CNTNAP2: variants seen among roughly 807,000 people sequenced by gnomAD.
CNTNAP2 encodes the protein contactin-associated protein-like 2.
In CNTNAP2, 98 loss-of-function variants were observed where a neutral mutation model predicts 155.2. The ratio of observed to expected loss-of-function variants is 0.63; its 90% confidence interval spans 0.54 to 0.75. The LOEUF is 0.75. Among genes scored for constraint, CNTNAP2 ranks in the 30% least tolerant of loss-of-function variants. The pLI is 0.00. For synonymous variants in CNTNAP2, 651 were observed against 631.2 expected, an observed-to-expected ratio of 1.03 and a Z score of -0.47; for missense variants, 1,727 against 1,688.1, an observed-to-expected ratio of 1.02 and a Z score of -0.40.
intron 1 of CNTNAP2, among the ~76,000 whole-genome samples, chr7:146,633,832 GAAAAAAAAAAA>G (rs60993956): frequency 6.3e-5 from 5 of 79,038 alleles, no homozygotes; most frequent in East Asian, 5.6e-4. Context: ...TGCATCTAGA[GAAAAAAAAAAA>G]AAAAAAAAAA....
At chr7:147,515,519 T>TAC (rs1287652122) in intron 11 of CNTNAP2, among the ~76,000 whole-genome samples, 1 of 151,800 alleles carries the variant, frequency 6.6e-6, no homozygotes. Context: ...GATGGGGTTT[T>TAC]ACCATGTTGG....
At chr7:147,687,167 T>G (rs989274690) in intron 13 of CNTNAP2, among the ~76,000 whole-genome samples, 1 of 152,122 alleles carries the variant, frequency 6.6e-6, no homozygotes, top group Non-Finnish European at 1.5e-5. Flanking sequence ...TTTAAAAAGT[T>G]GGCTAAAATA....
At chr7:147,466,378 A>G (rs1309855138) in intron 10 of CNTNAP2, among the ~76,000 whole-genome samples, 1 of 152,216 alleles carries the variant, frequency 6.6e-6, no homozygotes, top group African/African-American at 2.4e-5. Context: ...GTTTTTACAC[A>G]GAATGGTGGA....
intron 3 of CNTNAP2, among the ~76,000 whole-genome samples, chr7:146,947,021 CAATT>C: frequency 6.6e-6 from 1 of 151,744 alleles, no homozygotes; most frequent in African/African-American, 2.4e-5. Context: ...ATAAAAATAT[CAATT>C]TATTTATTTA....
chr7:146,379,314 T>C (rs893984214), intron 1 of CNTNAP2, among the ~76,000 whole-genome samples: 1 of 152,156 alleles, frequency 6.6e-6, no homozygotes, highest in Non-Finnish European at 1.5e-5. Flanking sequence ...GGCATATGTA[T>C]TTGAGGGATG....
intron 21 of CNTNAP2, among the ~76,000 whole-genome samples, chr7:148,333,764 T>C (rs1426349233): frequency 3.9e-5 from 6 of 152,212 alleles, no homozygotes; most frequent in Non-Finnish European, 5.9e-5. Flanking sequence ...CGAAGTCAGG[T>C]CTCAACTCCT....
chr7:147,629,688 A>G (rs1051510735), intron 12 of CNTNAP2, among the ~76,000 whole-genome samples: 2 of 152,044 alleles, frequency 1.3e-5, no homozygotes, highest in Middle Eastern at 3.2e-3. Context: ...CCTCAAAACT[A>G]TACAAATACT....
chr7:146,956,319 C>T (rs1171754189), intron 3 of CNTNAP2, among the ~76,000 whole-genome samples: 3 of 152,010 alleles, frequency 2.0e-5, no homozygotes, highest in Non-Finnish European at 4.4e-5. Context: ...TCTACAAGGC[C>T]CTTTTTCAAA....
intron 21 of CNTNAP2, among the ~76,000 whole-genome samples, chr7:148,319,559 G>A (rs1192685515): frequency 3.9e-5 from 6 of 152,058 alleles, no homozygotes; most frequent in Admixed American, 1.3e-4. Context: ...TGGCAGACAC[G>A]CAATTGAAGC....
At chr7:146,834,675 A>G (rs537471335) in intron 2 of CNTNAP2, among the ~76,000 whole-genome samples, 1 of 152,190 alleles carries the variant, frequency 6.6e-6, no homozygotes, top group African/African-American at 2.4e-5. Flanking sequence ...TTTAGGCACT[A>G]TTATCTCTAG....
At chr7:146,347,124 G>A in intron 1 of CNTNAP2, among the ~76,000 whole-genome samples, 1 of 125,320 alleles carries the variant, frequency 8.0e-6, no homozygotes, top group Admixed American at 8.9e-5. Context: ...GTGTGGTTAG[G>A]AATCCATACT....
rs1057518565 is a variant in CNTNAP2, at chr7:147,121,030, G to A, written c.806G>A (p.Ser269Asn). 6 of 1,613,930 alleles carry A rather than the reference G, an allele frequency of 3.7e-6. No individual in the cohort carries two copies. The highest frequency in any genetic ancestry group is 1.3e-5 in the African/African-American group (1 of 74,938). The change falls in exon 6 of 24, where the codon AGT becomes AAT. Residue 269 changes from serine (S) to asparagine (N), a missense_variant. Transcript: ENST00000361727. ...GGCCACACATCAGTGATGACAGGAA[G>A]TTTGCTGGATGACCACCACTGGCAC... ...IYGHTSVMTG[S>N]LLDDHHWHSV...
chr7:148,345,499 A>T (rs1419662040), intron 21 of CNTNAP2, among the ~76,000 whole-genome samples: 1 of 152,008 alleles, frequency 6.6e-6, no homozygotes, highest in Non-Finnish European at 1.5e-5. Flanking sequence ...AGTAGCTGGG[A>T]CTACAGGCAC....
chr7:146,123,209 A>G (rs553173712), intron 1 of CNTNAP2, among the ~76,000 whole-genome samples: 1 of 152,300 alleles, frequency 6.6e-6, no homozygotes, highest in East Asian at 1.9e-4. Flanking sequence ...TGGGGGCCGT[A>G]TTCTGTATTT....
chr7:147,655,648 G>T (rs1563040799), intron 13 of CNTNAP2, among the ~76,000 whole-genome samples: 1 of 152,184 alleles, frequency 6.6e-6, no homozygotes, highest in Non-Finnish European at 1.5e-5. Flanking sequence ...CAGTAAACCT[G>T]TTAAAGTTGT....
intron 20 of CNTNAP2, among the ~76,000 whole-genome samples, chr7:148,253,718 G>C (rs184291593): frequency 2.0e-5 from 3 of 152,302 alleles, no homozygotes; most frequent in Non-Finnish European, 4.4e-5. Context: ...TGTGCTCTGG[G>C]TGGCCCATGG....
chr7:147,390,718 T>C (rs1796698833), intron 9 of CNTNAP2, among the ~76,000 whole-genome samples: 1 of 152,088 alleles, frequency 6.6e-6, no homozygotes, highest in Non-Finnish European at 1.5e-5. Flanking sequence ...TTGGAAATCA[T>C]ATCACCTTGT....
intron 3 of CNTNAP2, among the ~76,000 whole-genome samples, chr7:147,032,225 T>C (rs934416191): frequency 8.5e-5 from 13 of 152,220 alleles, no homozygotes; most frequent in Non-Finnish European, 1.5e-5. Flanking sequence ...GTAAACATTA[T>C]AATTTTACTA....
At chr7:147,469,665 C>T (rs778092018) in intron 10 of CNTNAP2, among the ~76,000 whole-genome samples, 4 of 151,492 alleles carry the variant, frequency 2.6e-5, no homozygotes, top group Admixed American at 6.6e-5. Flanking sequence ...ACTACAGGCG[C>T]CCGCCACCAC....
Sources: gnomAD v4.1 joint callset for allele counts (sites outside exome capture counted in the v4.1 genomes callset) on GRCh38, gnomAD v4.1.1 for gene constraint, MANE v1.5 for transcripts, NCBI Gene and HGNC (gene_info 2026-07-23, HGNC 2026-07-21) for gene names.